Variants in TIPRL observed in about 807,000 individuals in gnomAD.
TIPRL encodes the protein TIP41-like protein.
In TIPRL, 10 loss-of-function variants were observed where a neutral mutation model predicts 32.3. The ratio of observed to expected loss-of-function variants is 0.31; its 90% CI spans 0.19 to 0.52. The LOEUF (loss-of-function observed/expected upper bound fraction) is 0.52. Ranked by LOEUF, TIPRL falls within the 20% of genes least tolerant of loss-of-function variation. The pLI, the probability that TIPRL is intolerant of heterozygous loss-of-function variation, is 0.96. For synonymous variants in TIPRL, 100 were observed against 114.0 expected (o/e 0.88, Z 0.78); for missense variants, 250 against 328.1 (o/e 0.76, Z 1.84).
At chr1:168,184,267 C>T (rs1700002293) in intron 2 of TIPRL, among the ~76,000 whole-genome samples, 186 bp downstream of exon 2, 1 of 152,146 alleles carries the variant, frequency 6.6e-6, no homozygotes, top group African/African-American at 2.4e-5. Context: ...AAGTTAATTA[C>T]CCCACTGCTT....
intron 3 of TIPRL, among the ~76,000 whole-genome samples, chr1:168,188,090 T>C (rs1045169747): frequency 1.3e-5 from 2 of 152,218 alleles, no homozygotes; most frequent in African/African-American, 4.8e-5. Flanking sequence ...TAAAAGTAGA[T>C]ATATTATCTA....
rs753974254 is a variant in TIPRL, at chr1:168,184,868, T to A, written c.374T>A (p.Leu125His). ...AAGGGAACCTTACTTGGAGAATCTC[T>A]TAAGTTAAAGGTAAATCTTACTTTT... ...DYKGTLLGES[L>H]KLKVVPTTDH... is the part of the protein sequence containing the mutation. Residue 125 changes from leucine (L) to histidine (H), a missense_variant, in exon 3 of 7, where the codon CTT becomes CAT. Transcript: ENST00000367833. 3.8e-6 allele frequency: 6 copies of A among 1,599,590 alleles called. No homozygotes were observed. Among genetic ancestry groups the A allele is most frequent in the Non-Finnish European group, 5.1e-6 (6 of 1,168,008 alleles).
intron 1 of TIPRL, 135 bp from the exon 2 acceptor site, chr1:168,183,767 A>G (rs1302355835): frequency 2.2e-6 from 2 of 908,968 alleles, no homozygotes; most frequent in Admixed American, 5.1e-5. Flanking sequence ...TAGACCTTGC[A>G]AATATATCAT....
Position 168,198,465 on chromosome 1 carries a change from A to G in TIPRL, c.613-454A>G, listed in dbSNP as rs181644765. On this transcript the variant is annotated intron_variant, in intron 5 of 6. Coordinates refer to ENST00000367833, the MANE Select transcript of TIPRL (RefSeq NM_152902.5). ...AAGTAAGCTATTTGGTAAGAGCTTT[A>G]TGGAATGGGAAAGAATAAAAATTTT... Among the ~76,000 whole-genome samples the G allele has an allele frequency of 6.7e-4, 102 of 152,298 alleles. 2 individuals carry two copies. In the East Asian group the frequency reaches 0.012, roughly 18 times the overall value.
chr1:168,195,504 T>TA (rs1700142080), intron 4 of TIPRL, among the ~76,000 whole-genome samples: 1 of 152,244 alleles, frequency 6.6e-6, no homozygotes, highest in Non-Finnish European at 1.5e-5. Flanking sequence ...ATCCAAGACT[T>TA]ACTATAGTAA....
intron 5 of TIPRL, 121 bp from the exon 6 acceptor site, chr1:168,198,798 T>A (rs900175996): frequency 3.8e-6 from 3 of 783,000 alleles, no homozygotes; most frequent in Non-Finnish European, 6.3e-6. Flanking sequence ...CAAGATGTTC[T>A]CTTTAGACTG....
chr1:168,184,037 A>C lies in TIPRL; in HGVS notation c.240A>C (p.Gln80His), dbSNP rs1699998890. 5 of 1,614,054 alleles carry C rather than the reference A, an allele frequency of 3.1e-6. No individual in the cohort carries two copies. The East Asian group carries it at 8.9e-5, about 29-fold the overall frequency. Reference protein sequence around the residue: ...TDALRCVNNYQGMLKVACAEE... With the variant: ...TDALRCVNNYHGMLKVACAEE... ...CGTTAAGATGTGTAAACAACTACCA[A>C]GGAATGCTTAAAGTGGCCTGTGCTG... The change falls in exon 2 of 7, where the codon CAA becomes CAC. Residue 80 changes from glutamine (Q) to histidine (H), a missense_variant. Gln to His is a conservative substitution (Grantham distance 24). Transcript: ENST00000367833.
intron 1 of TIPRL, among the ~76,000 whole-genome samples, 179 bp from the exon 2 acceptor site, chr1:168,183,723 T>C (rs1365002177): frequency 1.3e-5 from 2 of 152,178 alleles, no homozygotes; most frequent in Non-Finnish European, 2.9e-5. Context: ...CAGTGCCATA[T>C]GATGATGAAA....
intron 3 of TIPRL, among the ~76,000 whole-genome samples, chr1:168,189,907 T>C (rs1310186639): frequency 2.0e-5 from 3 of 152,196 alleles, no homozygotes; most frequent in African/African-American, 7.2e-5. Context: ...ACCAATCACT[T>C]ACTGAAGGCA....
rs556828886 is a variant in TIPRL, at chr1:168,194,051, G to A, written c.517-2496G>A. Reference sequence around the variant, plus strand: ...TTTCCAAAATGATGAACAACTCTTAGTGAAGTTCTAAATAAGAAAAAGTAT... The same window carrying A: ...TTTCCAAAATGATGAACAACTCTTAATGAAGTTCTAAATAAGAAAAAGTAT... On this transcript the variant is annotated intron_variant, in intron 4 of 6. Transcript: ENST00000367833. Among the ~76,000 whole-genome samples, 30 of 152,280 alleles carry A rather than the reference G, an allele frequency of 2.0e-4. No homozygotes were observed. In the South Asian group the frequency reaches 6.0e-3, roughly 31 times the overall value.
At chr1:168,179,225 G>C (rs1165088802) in intron 1 of TIPRL, 44 bp downstream of exon 1, 1 of 1,587,084 alleles carries the variant, frequency 6.3e-7, no homozygotes, top group African/African-American at 1.3e-5. Context: ...CCGGTTGCTG[G>C]CCCAGGGCGG....
At chr1:168,189,927 C>T (rs932045153) in intron 3 of TIPRL, among the ~76,000 whole-genome samples, 6 of 152,080 alleles carry the variant, frequency 3.9e-5, no homozygotes, top group Admixed American at 2.6e-4. Flanking sequence ...ATATGTGAAA[C>T]ATTAATGAAG....
At chr1:168,196,777 C>A in intron 5 of TIPRL, 135 bp downstream of exon 5, 1 of 494,952 alleles carries the variant, frequency 2.0e-6, no homozygotes, top group Non-Finnish European at 3.3e-6. Context: ...CTGAGTGTTT[C>A]ACATTCACTG....
chr1:168,200,163 T>A lies in TIPRL; in HGVS notation c.*117T>A. The A allele has an allele frequency of 8.8e-7, 1 of 1,140,302 alleles. No homozygotes were observed. Among genetic ancestry groups the A allele is most frequent in the Non-Finnish European group, 1.2e-6 (1 of 839,730 alleles). 70.6% of individuals were successfully genotyped at this position (1,140,302 alleles called of 1,614,324 possible). The stretch of plus-strand genomic sequence containing the variant: ...GTTTATGTACAGATTTTCTGTAGCC[T>A]TAAAGGAAAAAAAAATAAAGATCGT... On this transcript the variant is annotated 3_prime_UTR_variant, in exon 7 of 7. Transcript: ENST00000367833.
rs753774115 is a variant in TIPRL, at chr1:168,179,047, C to A, written c.-31C>A. 4.4e-6 allele frequency: 7 copies of A among 1,598,652 alleles called. No individual in the cohort carries two copies. In the South Asian group the frequency reaches 5.5e-5, roughly 13 times the overall value. On this transcript the variant is annotated 5_prime_UTR_variant, in exon 1 of 7. Transcript: ENST00000367833. ...GCCGCCGCCGCTGCTTCAGCTTATTCCTTGTGGCCTCTGCGGGTCCTGCCT... is the reference window on the plus strand; with the variant it reads ...GCCGCCGCCGCTGCTTCAGCTTATTACTTGTGGCCTCTGCGGGTCCTGCCT...
At chr1:168,192,181 T>A in intron 4 of TIPRL, 1 of 1,487,828 alleles carries the variant, frequency 6.7e-7, no homozygotes. Context: ...TTTCAGTGCA[T>A]CATTCAACTA....
Position 168,196,529 on chromosome 1 carries a change from C to G in TIPRL, c.517-18C>G. On this transcript the variant is annotated intron_variant, in intron 4 of 6. Transcript: ENST00000367833. Reference sequence around the variant, plus strand: ...AATTTTTATTAAAATATTAATGTACCTTTTTTTTTTTTTCCAGAGAGTAAT... The same window carrying G: ...AATTTTTATTAAAATATTAATGTACGTTTTTTTTTTTTTCCAGAGAGTAAT... 8.0e-7 allele frequency: 1 copy of G among 1,255,926 alleles called. No homozygotes were observed. The highest frequency in any genetic ancestry group is 1.1e-6 in the Non-Finnish European group (1 of 936,552). The allele number at this position is 1,255,926 out of a possible 1,614,324, so 77.8% of individuals were successfully genotyped here. A position where few individuals can be genotyped will look rare whatever the true frequency, so the allele number is the denominator to read the frequency against.
intron 1 of TIPRL, among the ~76,000 whole-genome samples, chr1:168,181,013 C>T (rs1189749439): frequency 6.6e-6 from 1 of 151,544 alleles, no homozygotes; most frequent in African/African-American, 2.4e-5. Flanking sequence ...GACAGAGACT[C>T]ACTCTGTCGC....
intron 3 of TIPRL, among the ~76,000 whole-genome samples, chr1:168,188,597 A>G (rs1700056619): frequency 6.6e-6 from 1 of 152,152 alleles, no homozygotes; most frequent in South Asian, 2.1e-4. Flanking sequence ...AGCCCATAAA[A>G]ATAGGTAACA....
Sources: allele counts gnomAD v4.1 joint callset (sites outside exome capture counted in the v4.1 genomes callset), GRCh38; gene constraint gnomAD v4.1.1; transcripts MANE v1.5; gene names NCBI Gene and HGNC (gene_info 2026-07-23, HGNC 2026-07-21).